Variants in TBC1D5 observed in about 807,000 individuals in gnomAD.
The protein encoded by TBC1D5 is TBC1 domain family member 5.
Under a neutral mutation model 100.3 loss-of-function variants are expected in TBC1D5, and 75 were observed. That is an observed-to-expected ratio of 0.75 (90% confidence interval 0.62 to 0.91). The LOEUF is 0.91. Ranked by LOEUF, TBC1D5 falls within the 40% of genes least tolerant of loss-of-function variation. The pLI, the probability that TBC1D5 is intolerant of heterozygous loss-of-function variation, is 0.00. For synonymous variants in TBC1D5, 323 were observed against 325.6 expected (o/e 0.99, Z 0.09); for missense variants, 910 against 942.4 (o/e 0.97, Z 0.45).
intron 2 of TBC1D5, among the ~76,000 whole-genome samples, chr3:17,531,898 G>A (rs1461828073): frequency 6.6e-6 from 1 of 152,092 alleles, no homozygotes; most frequent in East Asian, 1.9e-4. Flanking sequence ...GAAAACCTAG[G>A]CATTACCATT....
intron 2 of TBC1D5, among the ~76,000 whole-genome samples, chr3:17,548,862 T>C (rs2096445570): frequency 6.6e-6 from 1 of 152,234 alleles, no homozygotes; most frequent in Non-Finnish European, 1.5e-5. Flanking sequence ...CATTGAAGTA[T>C]AAATTATAAG....
chr3:17,196,114 A>C (rs999557473), intron 18 of TBC1D5, among the ~76,000 whole-genome samples: 1 of 152,244 alleles, frequency 6.6e-6, no homozygotes, highest in African/African-American at 2.4e-5. Flanking sequence ...CAGAAGATAC[A>C]GTGACAAGCG....
chr3:17,451,094 G>A (rs967774566), intron 3 of TBC1D5, among the ~76,000 whole-genome samples: 26 of 152,280 alleles, frequency 1.7e-4, no homozygotes, highest in Non-Finnish European at 3.7e-4. Context: ...TTAAAGAAAA[G>A]AATTTTCAAC....
intron 15 of TBC1D5, among the ~76,000 whole-genome samples, chr3:17,280,913 T>C (rs2080515131): frequency 6.6e-6 from 1 of 152,172 alleles, no homozygotes; most frequent in African/African-American, 2.4e-5. Context: ...GTGGGGGTAC[T>C]CCCTGCTAGA....
intron 2 of TBC1D5, among the ~76,000 whole-genome samples, chr3:17,591,251 A>AAC (rs2096768018): frequency 7.1e-6 from 1 of 140,050 alleles, no homozygotes; most frequent in Non-Finnish European, 1.5e-5. Context: ...AAAAAAAAAA[A>AAC]AAAAAAAAAA....
intron 2 of TBC1D5, among the ~76,000 whole-genome samples, chr3:17,583,483 T>C (rs1477993251): frequency 6.6e-6 from 1 of 151,964 alleles, no homozygotes; most frequent in East Asian, 1.9e-4. Flanking sequence ...CCTAACACTT[T>C]GGGAAGCCAA....
intron 13 of TBC1D5, among the ~76,000 whole-genome samples, chr3:17,318,982 AG>A (rs970044450): frequency 1.2e-4 from 18 of 152,356 alleles, no homozygotes; most frequent in African/African-American, 3.6e-4. Flanking sequence ...AAACTCATTA[AG>A]GAAACTATAA....
intron 3 of TBC1D5, among the ~76,000 whole-genome samples, chr3:17,506,820 C>T (rs981040653): frequency 6.6e-6 from 1 of 151,542 alleles, no homozygotes; most frequent in Non-Finnish European, 1.5e-5. Flanking sequence ...AAAATACGTG[C>T]TTAAAAAACA....
chr3:17,296,057 G>A (rs536650366), intron 14 of TBC1D5, among the ~76,000 whole-genome samples: 1 of 152,236 alleles, frequency 6.6e-6, no homozygotes, highest in South Asian at 2.1e-4. Context: ...TTCTTAGCAA[G>A]TTCATGACAG....
intron 13 of TBC1D5, among the ~76,000 whole-genome samples, chr3:17,341,185 CTT>C (rs2151402809): frequency 6.6e-6 from 1 of 152,088 alleles, no homozygotes; most frequent in African/African-American, 2.4e-5. Flanking sequence ...ACATGTAGCT[CTT>C]TATTAAATTC....
chr3:17,631,065 T>C (rs1009312018), intron 1 of TBC1D5, among the ~76,000 whole-genome samples: 1 of 111,256 alleles, frequency 9.0e-6, no homozygotes, highest in Non-Finnish European at 1.9e-5. Flanking sequence ...AAAAAAAAGT[T>C]AGGCCTCCTG....
At chr3:17,294,357 C>T (rs554244332) in intron 14 of TBC1D5, among the ~76,000 whole-genome samples, 26 of 152,114 alleles carry the variant, frequency 1.7e-4, no homozygotes, top group South Asian at 8.3e-4. Context: ...GTAGCTATTA[C>T]GGACTAGAGA....
intron 8 of TBC1D5, among the ~76,000 whole-genome samples, chr3:17,385,122 C>G (rs2093098940): frequency 6.6e-6 from 1 of 152,024 alleles, no homozygotes; most frequent in Admixed American, 6.6e-5. Flanking sequence ...ACTGCCTCAT[C>G]TATTAAGCAG....
chr3:17,588,733 C>CA (rs1219853362), intron 2 of TBC1D5, among the ~76,000 whole-genome samples: 2 of 152,046 alleles, frequency 1.3e-5, no homozygotes, highest in Non-Finnish European at 2.9e-5. Context: ...AGCATGAAAC[C>CA]AATTTTCAAT....
chr3:17,284,634 A>G (rs776379024), intron 15 of TBC1D5, among the ~76,000 whole-genome samples: 4 of 152,204 alleles, frequency 2.6e-5, no homozygotes, highest in Non-Finnish European at 4.4e-5. Context: ...TAAGGCCCCT[A>G]GGAAAACCTT....
intron 1 of TBC1D5, among the ~76,000 whole-genome samples, chr3:17,739,064 C>T (rs376628032): frequency 9.9e-5 from 15 of 152,274 alleles, no homozygotes; most frequent in South Asian, 4.2e-4. Context: ...AGGCCCTCTC[C>T]GTCAAATGAT....
At chr3:17,322,648 A>G (rs1036157641) in intron 13 of TBC1D5, among the ~76,000 whole-genome samples, 6 of 152,232 alleles carry the variant, frequency 3.9e-5, no homozygotes, top group Non-Finnish European at 8.8e-5. Context: ...TGTGCACGAC[A>G]TTGTTACCTT....
chr3:17,298,663 A>G (rs1175185796), intron 14 of TBC1D5, among the ~76,000 whole-genome samples: 1 of 152,190 alleles, frequency 6.6e-6, no homozygotes, highest in African/African-American at 2.4e-5. Flanking sequence ...AACAATCTGT[A>G]TTGTATCTAG....
At chr3:17,262,114 ATG>A (rs1159760095) in intron 15 of TBC1D5, among the ~76,000 whole-genome samples, 1 of 152,182 alleles carries the variant, frequency 6.6e-6, no homozygotes, top group East Asian at 1.9e-4. Flanking sequence ...GTCCTGAGAA[ATG>A]TGTCATTAGG....
Sources: gnomAD v4.1 joint callset for allele counts (sites outside exome capture counted in the v4.1 genomes callset) on GRCh38, gnomAD v4.1.1 for gene constraint, MANE v1.5 for transcripts, NCBI Gene and HGNC (gene_info 2026-07-23, HGNC 2026-07-21) for gene names.